PIK3R3: variants seen among roughly 807,000 people sequenced by gnomAD.
The protein encoded by PIK3R3 is phosphatidylinositol 3-kinase regulatory subunit gamma.
Under a neutral mutation model 62.9 loss-of-function variants are expected in PIK3R3, and 64 were observed. That is an observed-to-expected ratio of 1.02 (90% confidence interval 0.83 to 1.25). The LOEUF (loss-of-function observed/expected upper bound fraction) is 1.25. Ranked by LOEUF, PIK3R3 falls within the 50% of genes most tolerant of loss-of-function variation. PIK3R3 has a pLI of 0.00. For synonymous variants in PIK3R3, 165 were observed against 189.0 expected, an observed-to-expected ratio of 0.87 and a Z score of 1.04; for missense variants, 614 against 561.6, an observed-to-expected ratio of 1.09 and a Z score of -0.94.
At chr1:46,140,831 C>CTTTGTTTTTTGTTTT in the PIK3R3 span, among the ~76,000 whole-genome samples, 4 of 151,674 alleles carry the variant, frequency 2.6e-5, no homozygotes, top group Admixed American at 1.3e-4. Flanking sequence ...TTTTTTTGTT[C>CTTTGTTTTTTGTTTT]TTTGTTTTTT....
At chr1:46,108,675 C>T (rs985522565) in intron 1 of PIK3R3, among the ~76,000 whole-genome samples, 4 of 152,146 alleles carry the variant, frequency 2.6e-5, no homozygotes, top group African/African-American at 9.7e-5. Flanking sequence ...CTTCGTCATA[C>T]CCATATCCTT....
the PIK3R3 span, among the ~76,000 whole-genome samples, chr1:46,151,488 A>G: frequency 6.6e-6 from 1 of 152,196 alleles, no homozygotes; most frequent in Non-Finnish European, 1.5e-5. Flanking sequence ...TCACATCTGT[A>G]ATCCCAATAC....
Position 46,077,507 on chromosome 1 carries a change from G to A in PIK3R3, c.314+8C>T. On this transcript the variant is annotated splice_region_variant and intron_variant, in intron 3 of 9. Transcript: ENST00000262741. ...AGAGAACTAGCCAAAAGACTGAAAA[G>A]TACTTACCGCAAAGTCAAAGTATAA... The A allele has an allele frequency of 6.5e-7, 1 of 1,536,104 alleles. No individual in the cohort carries two copies. The highest frequency in any genetic ancestry group is 9.0e-7 in the Non-Finnish European group (1 of 1,109,106).
At chr1:46,090,742 C>A (rs549806757) in intron 1 of PIK3R3, among the ~76,000 whole-genome samples, 1 of 152,272 alleles carries the variant, frequency 6.6e-6, no homozygotes, top group Admixed American at 6.5e-5. Context: ...CTGTATTTAA[C>A]TATGCTTTTA....
the PIK3R3 span, among the ~76,000 whole-genome samples, chr1:46,158,282 C>T: frequency 6.6e-6 from 1 of 152,364 alleles, no homozygotes; most frequent in African/African-American, 2.4e-5. Context: ...TTAATTAACT[C>T]ACTTTAGAGT....
intron 6 of PIK3R3, among the ~76,000 whole-genome samples, chr1:46,058,285 C>A (rs1399036608): frequency 1.3e-5 from 2 of 152,246 alleles, no homozygotes; most frequent in Non-Finnish European, 2.9e-5. Flanking sequence ...AGGGGCGGGG[C>A]TCTCATGGAG....
At chr1:46,138,463 C>T in the PIK3R3 span, among the ~76,000 whole-genome samples, 3 of 151,218 alleles carry the variant, frequency 2.0e-5, no homozygotes, top group Non-Finnish European at 2.9e-5. Flanking sequence ...AGTTCAAGAC[C>T]AGCCTGAGTA....
intron 1 of PIK3R3, among the ~76,000 whole-genome samples, chr1:46,127,538 C>CTAGTGTATGAGGTTGTATGAG: frequency 6.6e-6 from 1 of 152,082 alleles, no homozygotes; most frequent in East Asian, 1.9e-4. Flanking sequence ...TAGCTACAAC[C>CTAGTGTATGAGGTTGTATGAG]TTTTGTGTAT....
At chr1:46,071,712 A>AAAAAAAAAAAAAAAAATAT (rs1472807815) in intron 3 of PIK3R3, among the ~76,000 whole-genome samples, 1 of 24,654 alleles carries the variant, frequency 4.1e-5, no homozygotes, top group African/African-American at 1.5e-4. Context: ...AAAAAAAAAA[A>AAAAAAAAAAAAAAAAATAT]ATATATATAT....
intron 3 of PIK3R3, among the ~76,000 whole-genome samples, chr1:46,071,371 T>G (rs1003126119): frequency 6.6e-6 from 1 of 152,038 alleles, no homozygotes; most frequent in African/African-American, 2.4e-5. Context: ...ATATCCTAGA[T>G]ACATTTTTAC....
At chr1:46,109,717 C>G (rs1181414733) in intron 1 of PIK3R3, among the ~76,000 whole-genome samples, 1 of 152,084 alleles carries the variant, frequency 6.6e-6, no homozygotes, top group Non-Finnish European at 1.5e-5. Flanking sequence ...CTTCTGACCC[C>G]ATGATCCGCC....
chr1:46,153,402 T>A, the PIK3R3 span, among the ~76,000 whole-genome samples: 2 of 152,206 alleles, frequency 1.3e-5, no homozygotes, highest in Admixed American at 6.5e-5. Context: ...ATACTACTTG[T>A]TCAGCTTCTA....
chr1:46,056,881 T>G, intron 6 of PIK3R3: 1 of 152,210 alleles, frequency 6.6e-6, no homozygotes, highest in South Asian at 2.1e-4. Context: ...TTAAGAACAA[T>G]GGTTTTGCAA....
chr1:46,077,559 T>G lies in PIK3R3; in HGVS notation c.270A>C (p.Arg90=), dbSNP rs1022539237. Residue 90 remains arginine (R), a synonymous_variant, in exon 3 of 10, where the codon CGA becomes CGC. Coordinates refer to ENST00000262741, the MANE Select transcript of PIK3R3 (RefSeq NM_003629.4). The part of the protein sequence containing the change: ...RDMPDGTFLV[R]DASTKMQGDY... ...CTCCCTGCATTTTTGTTGAGGCATC[T>G]CGGACCAAGAAGGTCCCATCTGGCA... 6.2e-7 allele frequency: 1 copy of G among 1,613,008 alleles called. No individual in the cohort carries two copies. Among genetic ancestry groups the G allele is most frequent in the Non-Finnish European group, 8.5e-7 (1 of 1,179,018 alleles).
Position 46,040,413 on chromosome 1 carries a change from T to C in PIK3R3, c.*3260A>G. The stretch of plus-strand genomic sequence containing the variant: ...TTTTACGTAAACTACACGAATTTTC[T>C]TGGACACATCAAAGACAACAGAATA... On this transcript the variant is annotated 3_prime_UTR_variant, in exon 10 of 10. Transcript: ENST00000262741. The C allele has an allele frequency of 8.6e-6, 2 of 231,314 alleles. No individual in the cohort carries two copies. The highest frequency in any genetic ancestry group is 1.2e-4 in the East Asian group (2 of 16,328). 14.3% of individuals were successfully genotyped at this position (231,314 alleles called of 1,614,324 possible).
chr1:46,088,470 A>G (rs7555458), intron 1 of PIK3R3, among the ~76,000 whole-genome samples: 29,561 of 152,044 alleles, frequency 0.19, 3,461 homozygotes, highest in Non-Finnish European at 0.26. Context: ...CATCTATGAA[A>G]GACAAACAAG....
chr1:46,149,973 A>G, the PIK3R3 span, among the ~76,000 whole-genome samples: 1 of 152,258 alleles, frequency 6.6e-6, no homozygotes, highest in Non-Finnish European at 1.5e-5. Flanking sequence ...TGCTCTGCCT[A>G]TGGAGTAGCC....
chr1:46,135,396 A>G (rs1655892807), upstream of PIK3R3, among the ~76,000 whole-genome samples: 2 of 152,160 alleles, frequency 1.3e-5, no homozygotes, highest in African/African-American at 2.4e-5. Flanking sequence ...TTTCATTTAT[A>G]TATCTATGAA....
upstream of PIK3R3, among the ~76,000 whole-genome samples, chr1:46,133,187 G>A (rs888296235): frequency 6.6e-6 from 1 of 152,104 alleles, no homozygotes; most frequent in African/African-American, 2.4e-5. Flanking sequence ...GCGGGACAAA[G>A]GCAGAAGGGG....
Sources: gnomAD v4.1 joint callset for allele counts (sites outside exome capture counted in the v4.1 genomes callset) on GRCh38, gnomAD v4.1.1 for gene constraint, MANE v1.5 for transcripts, NCBI Gene and HGNC (gene_info 2026-07-23, HGNC 2026-07-21) for gene names.